Variants in UGGT2 observed in about 807,000 individuals in gnomAD.
UGGT2 encodes UDP-glucose glycoprotein glucosyltransferase 2.
In UGGT2, 180 loss-of-function variants were observed where a neutral mutation model predicts 192.1. The ratio of observed to expected loss-of-function variants is 0.94; its 90% confidence interval spans 0.83 to 1.06. The LOEUF is 1.06. Ranked by LOEUF, UGGT2 falls within the 50% of genes least tolerant of loss-of-function variation. The pLI is 0.00. For missense variants in UGGT2, 1,849 were observed against 1,795.7 expected, an observed-to-expected ratio of 1.03 and a Z score of -0.54; for synonymous variants, 580 against 591.0, an observed-to-expected ratio of 0.98 and a Z score of 0.27.
At position 95,909,713 on chromosome 13, in the gene UGGT2, G is replaced by A. The variant is rs960484858; in HGVS notation, c.2296-6653C>T. ...CACATGTATACATATGTAACTAACC[G>A]GCACAATGTGCACATGTACCCTAAA... On this transcript the variant is annotated intron_variant, in intron 20 of 38. Transcript: ENST00000376747. Among the ~76,000 whole-genome samples the A allele has an allele frequency of 3.7e-5, 5 of 135,272 alleles. No homozygotes were observed. In the South Asian group the frequency reaches 7.2e-4, roughly 19 times the overall value. The allele number at this position is 135,272 out of a possible 152,430, so 88.7% of individuals were successfully genotyped here. A position where few individuals can be genotyped will look rare whatever the true frequency, so the allele number is the denominator to read the frequency against.
At chr13:95,910,022 T>C (rs993427016) in intron 20 of UGGT2, among the ~76,000 whole-genome samples, 3 of 152,112 alleles carry the variant, frequency 2.0e-5, no homozygotes, top group South Asian at 4.2e-4. Context: ...AATAAAATCC[T>C]TTACAGACAA....
At chr13:95,805,911 C>G (rs544124101) in intron 38 of UGGT2, among the ~76,000 whole-genome samples, 1 of 151,038 alleles carries the variant, frequency 6.6e-6, no homozygotes, top group South Asian at 2.1e-4. Flanking sequence ...AATCTTGTTA[C>G]GTGATTTTTT....
At chr13:96,053,066 C>G in intron 1 of UGGT2, 89 bp downstream of exon 1, 2 of 1,385,824 alleles carry the variant, frequency 1.4e-6, no homozygotes, top group South Asian at 3.2e-5. Flanking sequence ...CGGGTGGGAG[C>G]CAGACACCCG....
chr13:96,045,899 T>C (rs1177781490), intron 1 of UGGT2, among the ~76,000 whole-genome samples: 1 of 151,896 alleles, frequency 6.6e-6, no homozygotes, highest in Non-Finnish European at 1.5e-5. Flanking sequence ...ACTGTGAAAA[T>C]GACCATACTG....
intron 38 of UGGT2, among the ~76,000 whole-genome samples, chr13:95,821,563 T>G (rs1443466158): frequency 6.6e-6 from 1 of 152,216 alleles, no homozygotes; most frequent in Non-Finnish European, 1.5e-5. Context: ...TCTTTTGCCA[T>G]GCAGAAGCTT....
intron 20 of UGGT2, among the ~76,000 whole-genome samples, chr13:95,918,555 GA>G (rs1054207998): frequency 2.9e-4 from 44 of 151,704 alleles, no homozygotes; most frequent in African/African-American, 9.7e-4. Flanking sequence ...TTAGACAAAC[GA>G]AAAACTCTTC....
intron 20 of UGGT2, among the ~76,000 whole-genome samples, chr13:95,904,994 G>A (rs1046934136): frequency 6.6e-6 from 1 of 151,906 alleles, no homozygotes; most frequent in African/African-American, 2.4e-5. Context: ...CATTCTAACT[G>A]GTGTGAGATG....
At chr13:95,822,401 G>A (rs1885600105) in intron 38 of UGGT2, among the ~76,000 whole-genome samples, 2 of 152,040 alleles carry the variant, frequency 1.3e-5, no homozygotes, top group South Asian at 4.1e-4. Flanking sequence ...TGTAGCCTGA[G>A]ACTTTATTGA....
chr13:95,931,972 C>T (rs2049295908), intron 17 of UGGT2, among the ~76,000 whole-genome samples: 1 of 152,182 alleles, frequency 6.6e-6, no homozygotes, highest in African/African-American at 2.4e-5. Flanking sequence ...GCAAGGGCCA[C>T]CAGCACATTG....
intron 5 of UGGT2, among the ~76,000 whole-genome samples, chr13:96,005,666 C>G (rs929934359): frequency 2.0e-5 from 3 of 152,168 alleles, no homozygotes; most frequent in Non-Finnish European, 2.9e-5. Context: ...GAGAGAGGAT[C>G]AGAAACCTTG....
intron 29 of UGGT2, among the ~76,000 whole-genome samples, chr13:95,873,913 C>G (rs994274882): frequency 3.9e-5 from 6 of 152,104 alleles, no homozygotes; most frequent in Non-Finnish European, 8.8e-5. Flanking sequence ...GAAACTGGGT[C>G]TGGGGTCAGA....
At position 95,877,837 on chromosome 13, in the gene UGGT2, G is replaced by C; in HGVS notation, c.3248C>G (p.Ala1083Gly). ...TAGTAAGTATTCTAGTTCATATTCT[G>C]CTGTAACAGTTTTCTCAGTCTGTGG... ...HLKDTEKTVT[A>G]EYELEYLLLE... Residue 1083 changes from alanine to glycine, a missense_variant, in exon 28 of 39, where the codon GCA becomes GGA. Coordinates refer to ENST00000376747, the MANE Select transcript of UGGT2 (RefSeq NM_020121.4). The C allele has an allele frequency of 3.1e-6, 5 of 1,613,088 alleles. No homozygotes were observed. Among genetic ancestry groups the C allele is most frequent in the South Asian group, 1.1e-5 (1 of 90,866 alleles).
intron 31 of UGGT2, among the ~76,000 whole-genome samples, chr13:95,862,578 T>C (rs1400944580): frequency 2.6e-5 from 4 of 152,150 alleles, no homozygotes. Context: ...ATATGACTCA[T>C]GCTGGGTTAT....
At chr13:95,814,807 G>A (rs1328287852) in intron 38 of UGGT2, among the ~76,000 whole-genome samples, 2 of 152,030 alleles carry the variant, frequency 1.3e-5, no homozygotes, top group Non-Finnish European at 2.9e-5. Flanking sequence ...TATTCTCCAT[G>A]AACACAGATG....
At position 95,927,321 on chromosome 13, in the gene UGGT2, G is replaced by A. The variant is rs151108485; in HGVS notation, c.1993C>T (p.Arg665Cys). The A allele has an allele frequency of 1.1e-4, 176 of 1,604,912 alleles. 1 individual carries two copies. The highest frequency in any genetic ancestry group is 1.0e-4 in the Admixed American group (6 of 57,904). Residue 665 changes from arginine to cysteine, a missense_variant, in exon 18 of 39, where the codon CGC becomes TGC. Arg to Cys is a radical substitution (Grantham distance 180). Coordinates refer to ENST00000376747, the MANE Select transcript of UGGT2 (RefSeq NM_020121.4). ...REVFLGTLND[R>C]TNAIDFLMDR... ...ATTAGAAAATCAATTGCATTCGTGC[G>A]ATCATTTAATGTGCCCTAAAAAAAC...
chr13:95,918,396 T>G (rs1050088068), intron 20 of UGGT2, among the ~76,000 whole-genome samples: 1 of 152,020 alleles, frequency 6.6e-6, no homozygotes, highest in African/African-American at 2.4e-5. Context: ...ATAAAAAAAT[T>G]TATAGCACTA....
intron 20 of UGGT2, among the ~76,000 whole-genome samples, chr13:95,915,777 T>A (rs2048662527): frequency 6.6e-6 from 1 of 152,124 alleles, no homozygotes; most frequent in Non-Finnish European, 1.5e-5. Context: ...AGCTGCTCTA[T>A]CCGATCATGG....
At chr13:95,951,794 A>G (rs1306057899) in intron 12 of UGGT2, among the ~76,000 whole-genome samples, 1 of 152,144 alleles carries the variant, frequency 6.6e-6, no homozygotes, top group African/African-American at 2.4e-5. Context: ...CACATGTAGT[A>G]CAAAATACAT....
At chr13:95,889,831 A>G (rs1247498673) in intron 25 of UGGT2, among the ~76,000 whole-genome samples, 1 of 152,166 alleles carries the variant, frequency 6.6e-6, no homozygotes, top group Admixed American at 6.5e-5. Context: ...GCCTGCGGAC[A>G]TTCTGGTCAG....
Sources: allele counts gnomAD v4.1 joint callset (sites outside exome capture counted in the v4.1 genomes callset), GRCh38; gene constraint gnomAD v4.1.1; transcripts MANE v1.5; gene names NCBI Gene and HGNC (gene_info 2026-07-23, HGNC 2026-07-21).